The following PCSK6 variants were observed in gnomAD, a reference collection of about 807,000 sequenced individuals.
PCSK6 encodes the protein proprotein convertase subtilisin/kexin type 6.
In PCSK6, 85 loss-of-function variants were observed where a neutral mutation model predicts 123.3. The observed-to-expected ratio is 0.69, with a 90% confidence interval of 0.58 to 0.83. The LOEUF (loss-of-function observed/expected upper bound fraction) is 0.83. Among genes scored for constraint, PCSK6 ranks in the 40% least tolerant of loss-of-function variants. The pLI is 0.00. For synonymous variants in PCSK6, 508 were observed against 516.0 expected, an observed-to-expected ratio of 0.98 and a Z score of 0.21; for missense variants, 1,191 against 1,282.3, an observed-to-expected ratio of 0.93 and a Z score of 1.09.
Position 101,324,852 on chromosome 15 carries a change from T to G in PCSK6, c.2375A>C (p.Glu792Ala). ...GTACCCACAAACAAGCCACTTACTT[T>G]CATCAGCATAAAATCCTGCAGGACA... ...TLCPAGFYAD[E>A]SQKNCLKCHP... The change falls in exon 17 of 22, where the codon GAA becomes GCA. Residue 792 changes from glutamate (E) to alanine (A), a missense_variant and splice_region_variant. Transcript: ENST00000611716. 6.2e-7 allele frequency: 1 copy of G among 1,609,682 alleles called. No individual in the cohort carries two copies. Among genetic ancestry groups the G allele is most frequent in the South Asian group, 1.1e-5 (1 of 90,946 alleles).
intron 6 of PCSK6, among the ~76,000 whole-genome samples, chr15:101,414,832 A>G (rs7172235): frequency 0.31 from 47,519 of 152,078 alleles, 8,031 homozygotes; most frequent in African/African-American, 0.45. Flanking sequence ...TGAAATCAGC[A>G]CATGTATGAA....
At chr15:101,408,691 C>A (rs1033118332) in intron 6 of PCSK6, among the ~76,000 whole-genome samples, 2 of 152,172 alleles carry the variant, frequency 1.3e-5, no homozygotes, top group Non-Finnish European at 2.9e-5. Context: ...CATTTAAAAT[C>A]CTCTTGCAGT....
At chr15:101,325,486 C>T (rs998653672) in intron 16 of PCSK6, among the ~76,000 whole-genome samples, 2 of 152,230 alleles carry the variant, frequency 1.3e-5, no homozygotes, top group African/African-American at 4.8e-5. Context: ...GCCACATGGG[C>T]ACCCGGCTTG....
chr15:101,338,673 C>A (rs61014234), intron 13 of PCSK6, among the ~76,000 whole-genome samples: 6,988 of 152,310 alleles, frequency 0.046, 537 homozygotes, highest in African/African-American at 0.16. Context: ...TACTGTTGTA[C>A]ATACCCAACT....
intron 15 of PCSK6, 116 bp from the exon 16 acceptor site, chr15:101,326,595 G>A: frequency 1.0e-6 from 1 of 984,436 alleles, no homozygotes. Context: ...ACGCTCCCAG[G>A]CCCCGCTGGG....
chr15:101,342,296 C>T (rs11854332), intron 13 of PCSK6, among the ~76,000 whole-genome samples: 25,834 of 151,934 alleles, frequency 0.17, 2,484 homozygotes, highest in African/African-American at 0.25. Flanking sequence ...ATCCTTTTAT[C>T]TGAGAAGTGT....
intron 6 of PCSK6, among the ~76,000 whole-genome samples, chr15:101,422,243 GGA>G (rs1325927228): frequency 6.6e-6 from 1 of 152,082 alleles, no homozygotes; most frequent in Non-Finnish European, 1.5e-5. Context: ...ATTTCAGAAA[GGA>G]GAGATCTACA....
At chr15:101,456,903 A>G (rs936777416) in intron 1 of PCSK6, among the ~76,000 whole-genome samples, 13 of 152,290 alleles carry the variant, frequency 8.5e-5, no homozygotes, top group African/African-American at 3.1e-4. Flanking sequence ...TGGGCTGGGC[A>G]CAGTGGCTCA....
intron 2 of PCSK6, among the ~76,000 whole-genome samples, chr15:101,433,427 T>C (rs566640949): frequency 4.6e-5 from 7 of 152,316 alleles, no homozygotes; most frequent in African/African-American, 1.2e-4. Flanking sequence ...CTCCACCTGA[T>C]TGAATAATGC....
intron 18 of PCSK6, among the ~76,000 whole-genome samples, chr15:101,321,748 A>C (rs2040127520): frequency 6.6e-6 from 1 of 152,224 alleles, no homozygotes. Context: ...AGCCTGCGGA[A>C]ATGCAGAGTC....
rs571148864 is a variant in PCSK6 at position 101,409,477 on chromosome 15, C to T, written c.824-10901G>A. Among the ~76,000 whole-genome samples, 255 of 150,874 alleles carry T rather than the reference C, an allele frequency of 1.7e-3. 2 individuals carry two copies. Among genetic ancestry groups the T allele is most frequent in the Non-Finnish European group, 2.7e-4 (18 of 67,850 alleles). ...GCGGGCGCCTGTAGTCCCAGCTACT[C>T]GGGAGGCTGAGGCAGGAGAATGGCG... On this transcript the variant is annotated intron_variant, in intron 6 of 21. Transcript: ENST00000611716.
intron 11 of PCSK6, among the ~76,000 whole-genome samples, chr15:101,379,766 C>T (rs2041859778): frequency 6.6e-6 from 1 of 152,210 alleles, no homozygotes; most frequent in Non-Finnish European, 1.5e-5. Flanking sequence ...ATCCTAGCAG[C>T]TGGGAACCCC....
chr15:101,393,508 C>A (rs897347532), intron 7 of PCSK6, 84 bp from the exon 8 acceptor site: 3 of 998,476 alleles, frequency 3.0e-6, no homozygotes, highest in South Asian at 1.6e-5. Context: ...GTCCCATCTC[C>A]CAAATGTTCC....
intron 1 of PCSK6, among the ~76,000 whole-genome samples, chr15:101,447,443 A>G (rs2056920449): frequency 1.3e-5 from 2 of 152,100 alleles, no homozygotes; most frequent in African/African-American, 2.4e-5. Flanking sequence ...GGTTAAGACT[A>G]TGTCACACTG....
chr15:101,411,761 C>G (rs2055696456), intron 6 of PCSK6, among the ~76,000 whole-genome samples: 1 of 152,226 alleles, frequency 6.6e-6, no homozygotes, highest in Non-Finnish European at 1.5e-5. Context: ...GACCTCCACC[C>G]ATGCGAGGAC....
rs776030647 is a variant in PCSK6, at chr15:101,449,976, CT to C, written c.298-6317del. Among the ~76,000 whole-genome samples the C allele has an allele frequency of 3.3e-5, 5 of 152,188 alleles. 1 individual carries two copies. The South Asian group carries it at 8.3e-4, about 25-fold the overall frequency. ...TATCCACTGGCTCCTGGCAGGACCC[CT>C]AGGTCAGCACATAACTTCCACCACG... is the stretch of plus-strand genomic sequence containing the variant. On this transcript the variant is annotated intron_variant, in intron 1 of 21. Transcript: ENST00000611716.
intron 6 of PCSK6, among the ~76,000 whole-genome samples, chr15:101,409,357 G>A (rs28691273): frequency 0.073 from 11,034 of 150,870 alleles, 554 homozygotes; most frequent in East Asian, 0.16. Context: ...CGGCCGAGGC[G>A]GGCGGATCAC....
chr15:101,411,291 G>A (rs927542314), intron 6 of PCSK6, among the ~76,000 whole-genome samples: 1 of 152,200 alleles, frequency 6.6e-6, no homozygotes, highest in Non-Finnish European at 1.5e-5. Flanking sequence ...AGGGTGGCAG[G>A]TCTCAGCCTC....
At chr15:101,479,301 T>C (rs1370161549) in intron 1 of PCSK6, among the ~76,000 whole-genome samples, 1 of 152,208 alleles carries the variant, frequency 6.6e-6, no homozygotes, top group Non-Finnish European at 1.5e-5. Flanking sequence ...AGAAAAAGCA[T>C]ATGGAAAGTG....
Sources: gnomAD v4.1 joint callset for allele counts (sites outside exome capture counted in the v4.1 genomes callset) on GRCh38, gnomAD v4.1.1 for gene constraint, MANE v1.5 for transcripts, NCBI Gene and HGNC (gene_info 2026-07-23, HGNC 2026-07-21) for gene names.